PPP2R2B: variants seen among roughly 807,000 people sequenced by gnomAD.
The protein encoded by PPP2R2B is serine/threonine-protein phosphatase 2A 55 kDa regulatory subunit B beta isoform.
In PPP2R2B, 5 loss-of-function variants were observed where a neutral mutation model predicts 46.0. The observed-to-expected ratio is 0.11, with a 90% CI of 0.06 to 0.23. The LOEUF (loss-of-function observed/expected upper bound fraction) is 0.23, where lower values mean the gene tolerates loss of function less well. PPP2R2B is among the 10% of genes least tolerant of loss of function. The probability of loss-of-function intolerance (pLI) is 1.00; values close to 1 mark genes in which losing one functional copy is unlikely to be tolerated. For synonymous variants in PPP2R2B, 215 were observed against 206.7 expected, an observed-to-expected ratio of 1.04 and a Z score of -0.34; for missense variants, 367 against 575.0, an observed-to-expected ratio of 0.64 and a Z score of 3.70.
chr5:146,650,807 C>T, intron 5 of PPP2R2B, 83 bp from the exon 6 acceptor site: 1 of 1,301,768 alleles, frequency 7.7e-7, no homozygotes, highest in Non-Finnish European at 1.1e-6. Context: ...CATTTATTAT[C>T]ACACACAAAA....
chr5:147,059,090 T>C (rs1033100297), upstream of PPP2R2B, among the ~76,000 whole-genome samples: 3 of 152,176 alleles, frequency 2.0e-5, no homozygotes, highest in African/African-American at 7.2e-5. Context: ...CAACAATTTA[T>C]TGCCACCCTG....
chr5:146,877,926 C>G, intron 2 of PPP2R2B, 76 bp downstream of exon 2: 1 of 1,520,826 alleles, frequency 6.6e-7, no homozygotes, highest in Non-Finnish European at 8.9e-7. Context: ...CACTACGCGC[C>G]CAGCTGCCCA....
chr5:146,942,554 T>C (rs1373422780), intron 1 of PPP2R2B, among the ~76,000 whole-genome samples: 2 of 152,148 alleles, frequency 1.3e-5, no homozygotes, highest in Admixed American at 6.5e-5. Flanking sequence ...ATACAATGTC[T>C]GTGTAGAAGA....
chr5:146,599,405 A>G (rs1340804735), intron 8 of PPP2R2B, among the ~76,000 whole-genome samples: 1 of 152,196 alleles, frequency 6.6e-6, no homozygotes, highest in Non-Finnish European at 1.5e-5. Context: ...CTGTTTGGCA[A>G]ACTGCAAAGT....
chr5:146,818,667 T>C (rs1417556514), intron 2 of PPP2R2B, among the ~76,000 whole-genome samples: 3 of 152,198 alleles, frequency 2.0e-5, no homozygotes, highest in Non-Finnish European at 4.4e-5. Context: ...TTTTTTCTAC[T>C]TTACAGATGA....
chr5:147,032,840 GAAT>G (rs576060082), intron 1 of PPP2R2B, among the ~76,000 whole-genome samples: 28 of 152,100 alleles, frequency 1.8e-4, no homozygotes, highest in Non-Finnish European at 3.8e-4. Context: ...TATCTTTTTC[GAAT>G]AATGACTTCT....
At position 146,891,421 on chromosome 5, in the gene PPP2R2B, T is replaced by C. The variant is rs188686726; in HGVS notation, c.79+164244A>G. Among the ~76,000 whole-genome samples the C allele has an allele frequency of 2.3e-4, 35 of 152,378 alleles. No homozygotes were observed. In the East Asian group the frequency reaches 6.4e-3, roughly 28 times the overall value. ...GTCATTTTTGTGAACACTGTCATTG[T>C]CTACATGGATGCTAGATTTATTCAC... On this transcript the variant is annotated intron_variant, in intron 1 of 8. Transcript: ENST00000336640.
chr5:146,871,698 A>G (rs1365803089), intron 2 of PPP2R2B, among the ~76,000 whole-genome samples: 1 of 152,210 alleles, frequency 6.6e-6, no homozygotes, highest in Non-Finnish European at 1.5e-5. Flanking sequence ...TGGAGGGTGG[A>G]GCACAACTTG....
intron 1 of PPP2R2B, among the ~76,000 whole-genome samples, chr5:146,899,839 C>A (rs1186313723): frequency 6.6e-6 from 1 of 152,050 alleles, no homozygotes; most frequent in Admixed American, 6.6e-5. Context: ...CCTTTGTATA[C>A]CCATATTGGT....
intron 5 of PPP2R2B, among the ~76,000 whole-genome samples, chr5:146,687,502 C>T (rs748119196): frequency 1.3e-5 from 2 of 151,952 alleles, no homozygotes; most frequent in Non-Finnish European, 2.9e-5. Context: ...GCTAGATACC[C>T]GCATTTTCAC....
intron 2 of PPP2R2B, among the ~76,000 whole-genome samples, chr5:146,719,499 T>C (rs999238508): frequency 2.2e-4 from 33 of 152,196 alleles, no homozygotes; most frequent in Non-Finnish European, 1.5e-4. Flanking sequence ...TGGTACCATT[T>C]TGGAGGGGAA....
At chr5:146,876,457 C>A (rs958777605) in intron 2 of PPP2R2B, among the ~76,000 whole-genome samples, 1 of 152,134 alleles carries the variant, frequency 6.6e-6, no homozygotes, top group Admixed American at 6.5e-5. Flanking sequence ...AATGTTCCCC[C>A]AAAAGCCAAC....
At chr5:146,618,673 G>A (rs1194477617) in intron 7 of PPP2R2B, among the ~76,000 whole-genome samples, 3 of 152,134 alleles carry the variant, frequency 2.0e-5, no homozygotes, top group South Asian at 2.1e-4. Flanking sequence ...AGGCCAGAGC[G>A]GGCTGCTTCT....
chr5:146,757,741 C>A (rs1753923719), intron 2 of PPP2R2B, among the ~76,000 whole-genome samples: 1 of 152,142 alleles, frequency 6.6e-6, no homozygotes, highest in South Asian at 2.1e-4. Flanking sequence ...CACACTGGTA[C>A]TTAGACTATC....
intron 2 of PPP2R2B, among the ~76,000 whole-genome samples, chr5:146,818,355 CA>C (rs113412098): frequency 0.067 from 9,683 of 143,732 alleles, 338 homozygotes; most frequent in African/African-American, 0.088. Context: ...AAATTCACTG[CA>C]AAAAAAAAAA....
At chr5:146,701,006 A>G (rs533483681) in intron 3 of PPP2R2B, 39 bp downstream of exon 3, 3 of 1,532,980 alleles carry the variant, frequency 2.0e-6, no homozygotes, top group South Asian at 2.2e-5. Flanking sequence ...TCCTTTAAAA[A>G]GTGAAGAAAA....
At chr5:146,865,782 C>G (rs1392248351) in intron 2 of PPP2R2B, among the ~76,000 whole-genome samples, 1 of 152,148 alleles carries the variant, frequency 6.6e-6, no homozygotes, top group East Asian at 1.9e-4. Context: ...CCACCTTCCT[C>G]GCATACTTTT....
intron 2 of PPP2R2B, among the ~76,000 whole-genome samples, chr5:146,827,416 G>A (rs1758649516): frequency 6.9e-6 from 1 of 145,280 alleles, no homozygotes; most frequent in Non-Finnish European, 1.5e-5. Flanking sequence ...AAAAGGGAAA[G>A]AGCACCCAGA....
rs1752457534 is a variant in PPP2R2B at position 146,735,096 on chromosome 5, C to T, written c.71-33954G>A. On this transcript the variant is annotated intron_variant, in intron 2 of 9. Transcript: ENST00000394411. ...GAATTTCATTGCTAGGAACCGCGATCTTTTTTATTATTTGTATAAATCACT... is the reference window on the plus strand; with the variant it reads ...GAATTTCATTGCTAGGAACCGCGATTTTTTTTATTATTTGTATAAATCACT... Among the ~76,000 whole-genome samples, 2 of 152,106 alleles carry T rather than the reference C, an allele frequency of 1.3e-5. 1 individual carries two copies. The highest frequency in any genetic ancestry group is 1.3e-4 in the Admixed American group (2 of 15,274).
Sources: gnomAD v4.1 joint callset for allele counts (sites outside exome capture counted in the v4.1 genomes callset) on GRCh38, gnomAD v4.1.1 for gene constraint, MANE v1.5 for transcripts, NCBI Gene and HGNC (gene_info 2026-07-23, HGNC 2026-07-21) for gene names.